The following MACROD2 variants were observed in gnomAD, a reference collection of about 807,000 sequenced individuals.
MACROD2 encodes the protein mono-ADP ribosylhydrolase 2.
A neutral mutation model predicts 70.4 loss-of-function variants in MACROD2; 36 were observed. The observed-to-expected ratio is 0.51, with a 90% CI of 0.39 to 0.68. The LOEUF is 0.68. Among genes scored for constraint, MACROD2 ranks in the 30% least tolerant of loss-of-function variants. The pLI is 0.00. For synonymous variants in MACROD2, 172 were observed against 178.8 expected (o/e 0.96, Z 0.30); for missense variants, 496 against 538.4 (o/e 0.92, Z 0.78).
chr20:15,141,032 A>ACATGTGTTTGCATAAGGAGTG (rs1471882630), intron 5 of MACROD2, among the ~76,000 whole-genome samples: 18 of 152,318 alleles, frequency 1.2e-4, no homozygotes, highest in Middle Eastern at 3.4e-3. Context: ...ATATAGATAT[A>ACATGTGTTTGCATAAGGAGTG]CATGTGTTTG....
intron 3 of MACROD2, among the ~76,000 whole-genome samples, chr20:14,237,248 G>A (rs969839415): frequency 1.4e-4 from 21 of 151,670 alleles, no homozygotes; most frequent in Non-Finnish European, 1.5e-5. Flanking sequence ...AATACCTGTC[G>A]ATTTATGTGT....
chr20:15,065,518 G>A (rs971213538), intron 5 of MACROD2, among the ~76,000 whole-genome samples: 1 of 152,114 alleles, frequency 6.6e-6, no homozygotes, highest in East Asian at 1.9e-4. Flanking sequence ...AGCCAGGCTC[G>A]GTGGCAGCGG....
At chr20:14,344,228 A>G (rs150847087) in intron 3 of MACROD2, among the ~76,000 whole-genome samples, 2,058 of 152,336 alleles carry the variant, frequency 0.014, 31 homozygotes, top group Non-Finnish European at 0.022. Flanking sequence ...AAGCAGATTT[A>G]CTACAATTAG....
chr20:15,223,364 A>C (rs1317066982), intron 5 of MACROD2, among the ~76,000 whole-genome samples: 2 of 152,180 alleles, frequency 1.3e-5, no homozygotes, highest in Non-Finnish European at 2.9e-5. Flanking sequence ...GGGAAATAAC[A>C]TCACTTTCAC....
chr20:14,268,727 A>G (rs2122342681), intron 3 of MACROD2, among the ~76,000 whole-genome samples: 1 of 152,342 alleles, frequency 6.6e-6, no homozygotes, highest in Middle Eastern at 3.4e-3. Context: ...CCATCAAAAT[A>G]TTAACTATTC....
chr20:15,166,229 C>T (rs989973318), intron 5 of MACROD2, among the ~76,000 whole-genome samples: 4 of 152,048 alleles, frequency 2.6e-5, no homozygotes, highest in African/African-American at 9.7e-5. Flanking sequence ...TGTGTACTTC[C>T]AAAATTTATG....
At chr20:15,029,709 T>C (rs1463200142) in intron 5 of MACROD2, among the ~76,000 whole-genome samples, 1 of 152,202 alleles carries the variant, frequency 6.6e-6, no homozygotes, top group African/African-American at 2.4e-5. Flanking sequence ...TCCACAGTTA[T>C]GCCAAGTGTA....
In MACROD2 at chr20:14,446,662, G is replaced by A. The variant is rs139350781; in HGVS notation, c.272-46817G>A. The stretch of plus-strand genomic sequence containing the variant: ...GTTTCAGACAGAGTGGCAACTTGAG[G>A]CTAAAGGGTGAAGGAATGGAGCCCT... On this transcript the variant is annotated intron_variant, in intron 3 of 17. Coordinates refer to ENST00000684519, the MANE Select transcript of MACROD2 (RefSeq NM_001351661.2). 7.8e-4 allele frequency among the ~76,000 whole-genome samples: 119 copies of A among 152,146 alleles called. 2 individuals are homozygous for A. The highest frequency in any genetic ancestry group is 2.6e-3 in the African/African-American group (107 of 41,456).
chr20:14,344,023 C>G (rs1280117129), intron 3 of MACROD2, among the ~76,000 whole-genome samples: 2 of 151,790 alleles, frequency 1.3e-5, no homozygotes, highest in Non-Finnish European at 2.9e-5. Flanking sequence ...ATTTTTTTTT[C>G]TGGAAACTGG....
At chr20:15,939,660 T>G (rs2147336708) in intron 12 of MACROD2, among the ~76,000 whole-genome samples, 1 of 151,926 alleles carries the variant, frequency 6.6e-6, no homozygotes, top group South Asian at 2.1e-4. Flanking sequence ...AGGGAGTAAT[T>G]TTGATTTTCA....
At chr20:15,729,886 T>G (rs1048342423) in intron 8 of MACROD2, among the ~76,000 whole-genome samples, 6 of 130,646 alleles carry the variant, frequency 4.6e-5, no homozygotes, top group Admixed American at 1.8e-4. Flanking sequence ...TGGAGTGCAA[T>G]GGTGCAATCT....
chr20:14,377,626 G>A (rs1304309419), intron 3 of MACROD2, among the ~76,000 whole-genome samples: 1 of 152,194 alleles, frequency 6.6e-6, no homozygotes, highest in Non-Finnish European at 1.5e-5. Context: ...TTCACGTGCA[G>A]ATCTTTTTAG....
At chr20:15,183,366 C>T (rs2076513330) in intron 5 of MACROD2, among the ~76,000 whole-genome samples, 1 of 151,470 alleles carries the variant, frequency 6.6e-6, no homozygotes, top group African/African-American at 2.4e-5. Context: ...GAGATGCCAT[C>T]TCAATAAAAT....
chr20:14,169,320 G>A (rs1056857597), intron 3 of MACROD2, among the ~76,000 whole-genome samples: 4 of 151,716 alleles, frequency 2.6e-5, no homozygotes, highest in Non-Finnish European at 4.4e-5. Flanking sequence ...GGGGGGGGGC[G>A]GTGGACAGAG....
intron 6 of MACROD2, among the ~76,000 whole-genome samples, chr20:15,358,659 C>T (rs1402395873): frequency 6.6e-6 from 1 of 152,092 alleles, no homozygotes; most frequent in Non-Finnish European, 1.5e-5. Context: ...ATACTACAGA[C>T]TGGGTGACTT....
intron 6 of MACROD2, among the ~76,000 whole-genome samples, chr20:15,332,254 C>T (rs976858150): frequency 6.6e-6 from 1 of 151,554 alleles, no homozygotes; most frequent in African/African-American, 2.4e-5. Context: ...TTTAACATAG[C>T]TGAATAAATC....
chr20:14,336,386 G>C (rs2082937255), intron 3 of MACROD2, among the ~76,000 whole-genome samples: 1 of 151,898 alleles, frequency 6.6e-6, no homozygotes, highest in African/African-American at 2.4e-5. Context: ...CCCCCCAGAT[G>C]TTGAGAAGAC....
chr20:14,075,769 G>A (rs935234087), intron 2 of MACROD2, among the ~76,000 whole-genome samples: 9 of 151,916 alleles, frequency 5.9e-5, no homozygotes, highest in Non-Finnish European at 1.3e-4. Context: ...ACTGTCCCTC[G>A]TTGAAGGTTT....
chr20:15,811,441 G>A (rs2063820784), intron 8 of MACROD2, among the ~76,000 whole-genome samples: 1 of 152,144 alleles, frequency 6.6e-6, no homozygotes, highest in African/African-American at 2.4e-5. Context: ...GGAAACAACA[G>A]GTGCTGGCCA....
Sources: gnomAD v4.1 joint callset for allele counts (sites outside exome capture counted in the v4.1 genomes callset) on GRCh38, gnomAD v4.1.1 for gene constraint, MANE v1.5 for transcripts, NCBI Gene and HGNC (gene_info 2026-07-23, HGNC 2026-07-21) for gene names.